UNC5D: variants seen among roughly 807,000 people sequenced by gnomAD.
UNC5D encodes netrin receptor UNC5D.
UNC5D carries 39 observed loss-of-function variants against 105.4 expected under a neutral mutation model. That is an observed-to-expected ratio of 0.37 (90% confidence interval 0.29 to 0.48). The LOEUF (loss-of-function observed/expected upper bound fraction) is 0.48. Ranked by LOEUF, UNC5D falls within the 20% of genes least tolerant of loss-of-function variation. The probability of loss-of-function intolerance (pLI) is 0.98; values close to 1 mark genes in which losing one functional copy is unlikely to be tolerated. For synonymous variants in UNC5D, 452 were observed against 450.4 expected, an observed-to-expected ratio of 1.00 and a Z score of -0.04; for missense variants, 991 against 1,202.4, an observed-to-expected ratio of 0.82 and a Z score of 2.60.
intron 1 of UNC5D, among the ~76,000 whole-genome samples, chr8:35,270,311 T>C (rs1366260260): frequency 1.3e-5 from 2 of 152,212 alleles, no homozygotes; most frequent in Non-Finnish European, 2.9e-5. Flanking sequence ...CATGTGGTTA[T>C]AGCTGTTTGT....
At chr8:35,364,020 T>TA (rs913133247) in intron 1 of UNC5D, among the ~76,000 whole-genome samples, 1 of 151,906 alleles carries the variant, frequency 6.6e-6, no homozygotes, top group African/African-American at 2.4e-5. Context: ...CTGCCTCTAA[T>TA]AAAAAACACA....
intron 1 of UNC5D, among the ~76,000 whole-genome samples, chr8:35,508,511 C>A (rs1586007213): frequency 6.6e-6 from 1 of 152,278 alleles, no homozygotes; most frequent in East Asian, 1.9e-4. Context: ...GCCTTTGAAT[C>A]TTTTCTCATA....
chr8:35,412,677 A>T (rs1159347491), intron 1 of UNC5D, among the ~76,000 whole-genome samples: 1 of 152,144 alleles, frequency 6.6e-6, no homozygotes, highest in Non-Finnish European at 1.5e-5. Flanking sequence ...TGAGGCCTTT[A>T]GGAAGGAAGT....
intron 3 of UNC5D, among the ~76,000 whole-genome samples, chr8:35,589,514 T>A (rs1288523180): frequency 6.6e-6 from 1 of 152,070 alleles, no homozygotes; most frequent in Non-Finnish European, 1.5e-5. Context: ...CCATGCAGTT[T>A]ACCTATTTAA....
At chr8:35,751,698 G>A (rs541965230) in intron 13 of UNC5D, among the ~76,000 whole-genome samples, 2 of 152,296 alleles carry the variant, frequency 1.3e-5, no homozygotes, top group Non-Finnish European at 2.9e-5. Context: ...CCGTGTTACT[G>A]TGTGGTCAGC....
rs35199794 is a variant in UNC5D at position 35,493,281 on chromosome 8, C to CAAAAA, written c.104-55992_104-55988dup. ...GAGTTGCTTCAGTAAAGTCTGTGAC[C>CAAAAA]AAAAAAAAAAAAAAAAAAAAAAACA... On this transcript the variant is annotated intron_variant, in intron 1 of 16. Transcript: ENST00000404895. Among the ~76,000 whole-genome samples, 135 of 66,800 alleles carry CAAAAA rather than the reference C, an allele frequency of 2.0e-3. 1 individual carries two copies. The highest frequency in any genetic ancestry group is 3.9e-3 in the African/African-American group (73 of 18,696). 43.8% of individuals were successfully genotyped at this position (66,800 alleles called of 152,430 possible).
At chr8:35,509,716 C>G (rs1294772094) in intron 1 of UNC5D, among the ~76,000 whole-genome samples, 1 of 151,670 alleles carries the variant, frequency 6.6e-6, no homozygotes. Flanking sequence ...TTCCCCACAC[C>G]AAGCAACTTT....
At position 35,641,377 on chromosome 8, in the gene UNC5D, A is replaced by G. The variant is rs1322782643; in HGVS notation, c.571-42170A>G. On this transcript the variant is annotated intron_variant, in intron 4 of 16. Coordinates refer to ENST00000404895, the MANE Select transcript of UNC5D (RefSeq NM_080872.4). Reference sequence around the variant, plus strand: ...AAAAAAAAATAAAGCAAAAAAAAAAAAAAAAAAAGAAAAAAAAAAACAGCA... The same window carrying G: ...AAAAAAAAATAAAGCAAAAAAAAAAGAAAAAAAAGAAAAAAAAAAACAGCA... 1.6e-4 allele frequency among the ~76,000 whole-genome samples: 24 copies of G among 150,308 alleles called. 1 individual carries two copies. Among genetic ancestry groups the G allele is most frequent in the Admixed American group, 1.6e-3 (24 of 15,096 alleles).
chr8:35,337,496 G>T (rs1811133130), intron 1 of UNC5D, among the ~76,000 whole-genome samples: 1 of 152,144 alleles, frequency 6.6e-6, no homozygotes. Context: ...CTGTCCAGGT[G>T]GTGCATATGT....
chr8:35,242,348 G>A (rs975529453), intron 1 of UNC5D, among the ~76,000 whole-genome samples: 4 of 152,184 alleles, frequency 2.6e-5, no homozygotes, highest in Non-Finnish European at 5.9e-5. Context: ...GCAGGCATAG[G>A]AAGGAGAAGA....
intron 1 of UNC5D, chr8:35,525,299 C>G: frequency 6.2e-7 from 1 of 1,612,200 alleles, no homozygotes; most frequent in Non-Finnish European, 8.5e-7. Flanking sequence ...GTGCACTCCC[C>G]TCTTTGCCTT....
At chr8:35,412,793 G>C (rs1183038348) in intron 1 of UNC5D, among the ~76,000 whole-genome samples, 2 of 152,070 alleles carry the variant, frequency 1.3e-5, no homozygotes, top group Non-Finnish European at 2.9e-5. Flanking sequence ...GATGGCTCCA[G>C]TGCTCTCCTA....
In UNC5D at chr8:35,684,669, C is replaced by G. The variant is rs1325623230; in HGVS notation, c.839C>G (p.Thr280Ser). 5 of 1,613,878 alleles carry G rather than the reference C, an allele frequency of 3.1e-6. No individual in the cohort carries two copies. Among genetic ancestry groups the G allele is most frequent in the Non-Finnish European group, 4.2e-6 (5 of 1,179,992 alleles). ...RGWQKRSRTC[T>S]NPAPLNGGAF... ...TGGCAGAAACGTTCCCGGACCTGCACCAACCCAGCTCCTCTCAATGGTGGG... is the reference window on the plus strand; with the variant it reads ...TGGCAGAAACGTTCCCGGACCTGCAGCAACCCAGCTCCTCTCAATGGTGGG... Residue 280 changes from threonine (T) to serine (S), a missense_variant, in exon 6 of 17, where the codon ACC becomes AGC. Thr to Ser is a moderately conservative substitution (Grantham distance 58, BLOSUM62 1). This residue lies in a region of UNC5D where 944 missense variants were observed against 1,131.6 expected (regional missense o/e 0.83). Transcript: ENST00000404895.
intron 1 of UNC5D, among the ~76,000 whole-genome samples, chr8:35,347,165 T>G (rs1451222467): frequency 1.3e-5 from 2 of 152,020 alleles, no homozygotes; most frequent in Non-Finnish European, 2.9e-5. Context: ...ACAGAACACA[T>G]TGATTGACGA....
At chr8:35,293,669 C>T (rs1268808117) in intron 1 of UNC5D, among the ~76,000 whole-genome samples, 1 of 152,202 alleles carries the variant, frequency 6.6e-6, no homozygotes, top group African/African-American at 2.4e-5. Flanking sequence ...TCATGCACAA[C>T]ATCTGGACAT....
At chr8:35,558,252 C>A (rs772230068) in intron 2 of UNC5D, among the ~76,000 whole-genome samples, 12 of 151,786 alleles carry the variant, frequency 7.9e-5, no homozygotes, top group African/African-American at 2.4e-5. Context: ...ACAGGGTGCT[C>A]AATAATTGTC....
intron 1 of UNC5D, among the ~76,000 whole-genome samples, chr8:35,402,922 C>T (rs1585760408): frequency 1.3e-5 from 2 of 152,184 alleles, no homozygotes; most frequent in East Asian, 1.9e-4. Context: ...TGGTGCTGCC[C>T]CACTCTTGGA....
chr8:35,628,900 A>G (rs890913436), intron 4 of UNC5D, among the ~76,000 whole-genome samples: 1 of 152,168 alleles, frequency 6.6e-6, no homozygotes, highest in African/African-American at 2.4e-5. Flanking sequence ...AAATTATAAT[A>G]ATTATATAGG....
At chr8:35,361,431 T>A (rs2128918209) in intron 1 of UNC5D, among the ~76,000 whole-genome samples, 1 of 152,266 alleles carries the variant, frequency 6.6e-6, no homozygotes, top group African/African-American at 2.4e-5. Flanking sequence ...GTAACCTCCA[T>A]GAGACAACAC....
Sources: gnomAD v4.1 joint callset for allele counts (sites outside exome capture counted in the v4.1 genomes callset) on GRCh38, gnomAD v4.1.1 for gene constraint, gnomAD v4.1.1 regional missense constraint, MANE v1.5 for transcripts, NCBI Gene and HGNC (gene_info 2026-07-23, HGNC 2026-07-21) for gene names.